Variants in ACSL6 observed in about 807,000 individuals in gnomAD.
The protein encoded by ACSL6 is acyl-CoA synthetase long chain family member 6.
Under a neutral mutation model 98.2 loss-of-function variants are expected in ACSL6, and 47 were observed. That is an observed-to-expected ratio of 0.48 (90% CI 0.38 to 0.61). The LOEUF (loss-of-function observed/expected upper bound fraction) is 0.61. Ranked by LOEUF, ACSL6 falls within the 20% of genes least tolerant of loss-of-function variation. ACSL6 has a pLI of 0.00. For missense variants in ACSL6, 761 were observed against 913.4 expected (o/e 0.83, Z 2.15); for synonymous variants, 362 against 336.9 (o/e 1.07, Z -0.82).
At chr5:131,958,202 T>G (rs1383169748) in intron 20 of ACSL6, among the ~76,000 whole-genome samples, 3 of 152,178 alleles carry the variant, frequency 2.0e-5, no homozygotes, top group African/African-American at 7.2e-5. Flanking sequence ...AGGTCCCGCA[T>G]CCAAACACAA....
Position 131,981,715 on chromosome 5 carries a change from A to T in ACSL6, c.916+3692T>A, listed in dbSNP as rs577055834. Reference sequence around the variant, plus strand: ...ACTATTACAAACAGTGTTGCTATGAACATGATGGAGCATGCCTTTTGATGG... The same window carrying T: ...ACTATTACAAACAGTGTTGCTATGATCATGATGGAGCATGCCTTTTGATGG... On this transcript the variant is annotated intron_variant, in intron 9 of 20. Coordinates refer to ENST00000651883, the MANE Select transcript of ACSL6 (RefSeq NM_001009185.3). The T allele has an allele frequency of 2.0e-5, 3 of 152,372 alleles. No homozygotes were observed. The East Asian group carries it at 5.8e-4, about 29-fold the overall frequency. 9.4% of individuals were successfully genotyped at this position (152,372 alleles called of 1,614,324 possible). A position where few individuals can be genotyped will look rare whatever the true frequency, so the allele number is the denominator to read the frequency against.
chr5:131,961,708 C>T (rs1752721232), intron 18 of ACSL6, among the ~76,000 whole-genome samples: 1 of 151,448 alleles, frequency 6.6e-6, no homozygotes, highest in South Asian at 2.1e-4. Context: ...TCTTAGATAT[C>T]ATAGAATATA....
At chr5:131,975,860 G>T in intron 10 of ACSL6, 2 of 985,478 alleles carry the variant, frequency 2.0e-6, no homozygotes, top group Non-Finnish European at 2.4e-6. Flanking sequence ...GGGCCAGCTT[G>T]GGCAAACCTT....
At chr5:131,956,478 T>C (rs1752413128) in intron 20 of ACSL6, among the ~76,000 whole-genome samples, 1 of 152,202 alleles carries the variant, frequency 6.6e-6, no homozygotes, top group East Asian at 1.9e-4. Context: ...TGGGCTCACC[T>C]TTCAGTCCCT....
intron 3 of ACSL6, 74 bp downstream of exon 3, chr5:131,990,779 T>G: frequency 4.3e-6 from 6 of 1,402,134 alleles, no homozygotes; most frequent in Non-Finnish European, 6.0e-6. Flanking sequence ...GTATCATGCT[T>G]GCATACCCAC....
At chr5:131,986,604 C>CT in intron 8 of ACSL6, among the ~76,000 whole-genome samples, 1 of 152,324 alleles carries the variant, frequency 6.6e-6, no homozygotes, top group East Asian at 1.9e-4. Context: ...ATTGGCAGCT[C>CT]TTTTTTCTCC....
At chr5:131,998,255 CTG>C (rs1754892057) in intron 1 of ACSL6, among the ~76,000 whole-genome samples, 1 of 152,186 alleles carries the variant, frequency 6.6e-6, no homozygotes, top group Non-Finnish European at 1.5e-5. Context: ...AGGTGAGTGA[CTG>C]TGTTTGTAAA....
In ACSL6 at chr5:131,972,757, A is replaced by G. The variant is rs1307555520; in HGVS notation, c.1305T>C (p.Ser435=). 6.2e-7 allele frequency: 1 copy of G among 1,614,204 alleles called. No homozygotes were observed. The highest frequency in any genetic ancestry group is 1.7e-5 in the Admixed American group (1 of 60,030). ...EVRSGIIRND[S]IWDELFFNKI... is the part of the protein sequence containing the mutation. ...TATTAAAGAAGAGTTCATCCCAGAT[A>G]CTATCATTCCTGATGATTCCACTCC... is the stretch of plus-strand genomic sequence containing the variant. Residue 435 remains serine (S), a synonymous_variant, in exon 13 of 21, where the codon AGT becomes AGC. Coordinates refer to ENST00000651883, the MANE Select transcript of ACSL6 (RefSeq NM_001009185.3).
intron 18 of ACSL6, chr5:131,960,923 C>T (rs887979590): frequency 7.2e-5 from 17 of 236,640 alleles, no homozygotes; most frequent in Middle Eastern, 1.3e-3. Context: ...GAGCAAACAA[C>T]TCTCTGATCC....
Position 131,968,001 on chromosome 5 carries a change from T to C in ACSL6, c.1535A>G (p.Asn512Ser), listed in dbSNP as rs537001037. 1 of 1,613,998 alleles carries C rather than the reference T, an allele frequency of 6.2e-7. No individual in the cohort carries two copies. The highest frequency in any genetic ancestry group is 2.2e-5 in the East Asian group (1 of 44,876). The change falls in exon 16 of 21, where the codon AAT (asparagine) becomes AGT (serine). Residue 512 changes from asparagine to serine, a missense_variant. Physicochemically the swap from Asn to Ser is conservative, Grantham distance 46 (BLOSUM62 1). Coordinates refer to ENST00000651883, the MANE Select transcript of ACSL6 (RefSeq NM_001009185.3). Reference protein sequence around the residue: ...SGHVGAPLPCNHIKLVDVEEL... With the variant: ...SGHVGAPLPCSHIKLVDVEEL... Reference sequence around the variant, plus strand: ...CTCAACATCAACGAGCTTGATATGATTGCAGGGAAGTGGCGCCCCTACGTG... The same window carrying C: ...CTCAACATCAACGAGCTTGATATGACTGCAGGGAAGTGGCGCCCCTACGTG...
chr5:131,973,501 G>A (rs1753434984), intron 11 of ACSL6, 101 bp from the exon 12 acceptor site: 1 of 1,251,170 alleles, frequency 8.0e-7, no homozygotes, highest in South Asian at 1.6e-5. Flanking sequence ...GGGCACCCAT[G>A]ACCCCCTGAC....
intron 1 of ACSL6, among the ~76,000 whole-genome samples, chr5:132,007,672 T>C: frequency 6.6e-6 from 1 of 152,140 alleles, no homozygotes; most frequent in Non-Finnish European, 1.5e-5. Flanking sequence ...GCTTGACACA[T>C]GGTAGGTGCT....
rs763473998 is a variant in ACSL6, at chr5:131,954,244, A to AT, written c.2158dup (p.Ile720AsnfsTer31). The AT allele has an allele frequency of 8.7e-6, 14 of 1,611,940 alleles. No individual in the cohort carries two copies. The highest frequency in any genetic ancestry group is 1.2e-5 in the Non-Finnish European group (14 of 1,179,406). On this transcript the variant is annotated frameshift_variant, in exon 21 of 21. Transcript: ENST00000651883. LOFTEE classifies it high-confidence loss of function. ...AACTTTCCTTGAACTTCACATGGAGATTGAGTAAAGCTCTTCTATTTGTTT... is the reference window on the plus strand; with the variant it reads ...AACTTTCCTTGAACTTCACATGGAGATTTGAGTAAAGCTCTTCTATTTGTTT...
At chr5:131,985,358 G>A in intron 9 of ACSL6, 49 bp downstream of exon 9, 5 of 1,611,838 alleles carry the variant, frequency 3.1e-6, no homozygotes, top group Non-Finnish European at 4.2e-6. Context: ...TAGGCCACCA[G>A]GGAAGGGTGC....
chr5:132,005,531 T>C (rs1755356834), intron 1 of ACSL6, among the ~76,000 whole-genome samples: 1 of 152,258 alleles, frequency 6.6e-6, no homozygotes, highest in East Asian at 1.9e-4. Context: ...CTAACTGTCC[T>C]TGCTGTGTAG....
intron 1 of ACSL6, among the ~76,000 whole-genome samples, chr5:132,002,657 G>A (rs982816518): frequency 6.6e-6 from 1 of 152,188 alleles, no homozygotes; most frequent in East Asian, 1.9e-4. Flanking sequence ...GGAGAACAAG[G>A]AGAGGATCCG....
At chr5:132,005,685 CAGG>C (rs977294398) in intron 1 of ACSL6, among the ~76,000 whole-genome samples, 1 of 152,216 alleles carries the variant, frequency 6.6e-6, no homozygotes, top group Non-Finnish European at 1.5e-5. Flanking sequence ...GGTGCGTGGG[CAGG>C]AGGAGTCCCA....
chr5:131,986,968 C>A (rs1490405624), intron 7 of ACSL6, 114 bp from the exon 8 acceptor site: 32 of 951,446 alleles, frequency 3.4e-5, no homozygotes, highest in Middle Eastern at 5.4e-4. Flanking sequence ...CACACACACA[C>A]ATACCCACAC....
In ACSL6 at chr5:131,954,393, C is replaced by T. The variant is rs762505626; in HGVS notation, c.2032-22G>A. On this transcript the variant is annotated intron_variant, in intron 20 of 20. Transcript: ENST00000651883. ...TAACCTAAAAACCAAATGCAGAAAA[C>T]ATCTTTAACAGGAATAGAACACAGT... 6.2e-6 allele frequency: 10 copies of T among 1,607,864 alleles called. No homozygotes were observed. The South Asian group carries it at 1.0e-4, about 16-fold the overall frequency.
Sources: allele counts gnomAD v4.1 joint callset (sites outside exome capture counted in the v4.1 genomes callset), GRCh38; gene constraint gnomAD v4.1.1; transcripts MANE v1.5; gene names NCBI Gene and HGNC (gene_info 2026-07-23, HGNC 2026-07-21).